The following RYR2 variants were observed in gnomAD, a reference collection of about 807,000 sequenced individuals.
RYR2 encodes cardiac muscle ryanodine receptor-calcium release channel.
A neutral mutation model predicts 601.1 loss-of-function variants in RYR2; 227 were observed. The ratio of observed to expected loss-of-function variants is 0.38; its 90% CI spans 0.34 to 0.42. RYR2 has a LOEUF of 0.42. Ranked by LOEUF, RYR2 falls within the 10% of genes least tolerant of loss-of-function variation. The pLI is 1.00. For synonymous variants in RYR2, 2,223 were observed against 2,175.1 expected, an observed-to-expected ratio of 1.02 and a Z score of -0.61; for missense variants, 4,646 against 6,156.5, an observed-to-expected ratio of 0.75 and a Z score of 8.21.
At chr1:237,251,406 C>T (rs1687453707) in intron 1 of RYR2, among the ~76,000 whole-genome samples, 2 of 152,160 alleles carry the variant, frequency 1.3e-5, no homozygotes, top group African/African-American at 2.4e-5. Flanking sequence ...AATGGCAATT[C>T]TAAACTGCCT....
intron 24 of RYR2, among the ~76,000 whole-genome samples, chr1:237,521,772 T>G (rs1667112128): frequency 6.6e-6 from 1 of 151,816 alleles, no homozygotes; most frequent in South Asian, 2.1e-4. Flanking sequence ...CATTAATGGC[T>G]TTTCATTGCT....
At chr1:237,068,067 A>G (rs561678791) in intron 1 of RYR2, among the ~76,000 whole-genome samples, 193 of 121,254 alleles carry the variant, frequency 1.6e-3, no homozygotes, top group African/African-American at 6.2e-3. Flanking sequence ...AACTGTACCT[A>G]TTTTTAGACT....
intron 2 of RYR2, among the ~76,000 whole-genome samples, chr1:237,283,772 T>G (rs1253846541): frequency 6.6e-6 from 1 of 152,256 alleles, no homozygotes; most frequent in Non-Finnish European, 1.5e-5. Context: ...GTATAGTACA[T>G]TTGTAGTAAT....
chr1:237,473,967 C>CAT (rs1044495636), intron 17 of RYR2, among the ~76,000 whole-genome samples: 1 of 145,970 alleles, frequency 6.9e-6, no homozygotes, highest in Non-Finnish European at 1.6e-5. Context: ...TGTCATGAAT[C>CAT]ATAGCTCCTG....
At chr1:237,251,668 G>A (rs1322760400) in intron 1 of RYR2, among the ~76,000 whole-genome samples, 2 of 152,030 alleles carry the variant, frequency 1.3e-5, no homozygotes, top group East Asian at 3.9e-4. Flanking sequence ...CTTTATATAT[G>A]TTCTTCACAG....
At chr1:237,612,425 T>C (rs6429029) in intron 36 of RYR2, among the ~76,000 whole-genome samples, 117,604 of 152,082 alleles carry the variant, frequency 0.77, 46,610 homozygotes, top group Non-Finnish European at 0.85. Flanking sequence ...TTGTATAGCA[T>C]GTAAATTACA....
At position 237,117,304 on chromosome 1, in the gene RYR2, G is replaced by A. The variant is rs188626457; in HGVS notation, c.48+74735G>A. On this transcript the variant is annotated intron_variant, in intron 1 of 104. Transcript: ENST00000366574. ...GAGTGGGGGATAAGGCCCAGGTCAC[G>A]AAAGACCTTCTCCATTACGCTAAGG... Among the ~76,000 whole-genome samples, 24 of 152,244 alleles carry A rather than the reference G, an allele frequency of 1.6e-4. No homozygotes were observed. In the East Asian group the frequency reaches 3.3e-3, roughly 21 times the overall value.
intron 2 of RYR2, among the ~76,000 whole-genome samples, chr1:237,273,910 A>G (rs1055306459): frequency 1.4e-5 from 2 of 147,118 alleles, no homozygotes; most frequent in Admixed American, 1.4e-4. Context: ...ACATAACAAA[A>G]CATACAAGTA....
chr1:237,402,850 T>TTGA (rs1703488752), intron 10 of RYR2, among the ~76,000 whole-genome samples: 3 of 152,222 alleles, frequency 2.0e-5, no homozygotes, highest in South Asian at 2.1e-4. Flanking sequence ...GGTGAAATCA[T>TTGA]GGCTCACTGC....
intron 8 of RYR2, among the ~76,000 whole-genome samples, chr1:237,379,592 A>T (rs192172989): frequency 3.9e-5 from 6 of 152,322 alleles, no homozygotes. Flanking sequence ...TAAAATTTAC[A>T]AGTGATTTCC....
At chr1:237,226,822 G>A (rs147523903) in intron 1 of RYR2, among the ~76,000 whole-genome samples, 22 of 152,308 alleles carry the variant, frequency 1.4e-4, no homozygotes, top group African/African-American at 4.8e-4. Flanking sequence ...AGGGTGGAGT[G>A]TAGTGGCGTG....
intron 3 of RYR2, chr1:237,333,745 C>T (rs1012733960): frequency 2.7e-6 from 1 of 371,876 alleles, no homozygotes; most frequent in African/African-American, 2.1e-5. Flanking sequence ...TTATGGAACT[C>T]TAATGGGGAA....
chr1:237,669,482 C>T (rs553254916), intron 58 of RYR2, among the ~76,000 whole-genome samples: 13 of 146,296 alleles, frequency 8.9e-5, no homozygotes, highest in Admixed American at 2.1e-4. Context: ...ACCTCCCGGA[C>T]GGGGCGGCTG....
intron 1 of RYR2, among the ~76,000 whole-genome samples, chr1:237,246,385 C>G (rs546250449): frequency 6.6e-6 from 1 of 152,150 alleles, no homozygotes; most frequent in African/African-American, 2.4e-5. Context: ...CGTGAGCCAC[C>G]GTGCCTGGAC....
intron 84 of RYR2, among the ~76,000 whole-genome samples, chr1:237,762,827 C>CT (rs1023076907): frequency 1.3e-5 from 2 of 152,184 alleles, no homozygotes; most frequent in Admixed American, 1.3e-4. Flanking sequence ...AAAATCTCAA[C>CT]TTTTTTTCTT....
At chr1:237,721,471 T>A (rs1449985325) in intron 73 of RYR2, among the ~76,000 whole-genome samples, 2 of 152,200 alleles carry the variant, frequency 1.3e-5, no homozygotes, top group Non-Finnish European at 2.9e-5. Context: ...CTCCCATTTC[T>A]AATGGAGATT....
intron 17 of RYR2, among the ~76,000 whole-genome samples, chr1:237,482,194 G>A (rs150039940): frequency 7.9e-4 from 120 of 152,112 alleles, no homozygotes; most frequent in African/African-American, 2.9e-3. Context: ...AAGCAATCCA[G>A]TTACGTTCTT....
intron 92 of RYR2, among the ~76,000 whole-genome samples, chr1:237,789,517 G>A (rs369519731): frequency 6.5e-4 from 77 of 117,862 alleles, no homozygotes; most frequent in African/African-American, 2.9e-3. Context: ...ATGGCTGCAG[G>A]TATAGTTCTA....
At chr1:237,483,043 C>T (rs2998406) in intron 17 of RYR2, among the ~76,000 whole-genome samples, 37,330 of 152,028 alleles carry the variant, frequency 0.25, 4,835 homozygotes, top group South Asian at 0.4. Context: ...TTCTCTGTGC[C>T]TCGCTGTGTC....
Sources: allele counts gnomAD v4.1 joint callset (sites outside exome capture counted in the v4.1 genomes callset), GRCh38; gene constraint gnomAD v4.1.1; transcripts MANE v1.5; gene names NCBI Gene and HGNC (gene_info 2026-07-23, HGNC 2026-07-21).